Variants in CFAP46 observed in about 807,000 individuals in gnomAD.
CFAP46 encodes cilia and flagella associated protein 46, also known as cilia- and flagella-associated protein 46.
Under a neutral mutation model 325.7 loss-of-function variants are expected in CFAP46, and 245 were observed. That is an observed-to-expected ratio of 0.75 (90% CI 0.68 to 0.84). The LOEUF is 0.84. CFAP46 is among the 40% of genes least tolerant of loss of function. CFAP46 has a pLI of 0.00. For missense variants in CFAP46, 3,346 were observed against 3,543.0 expected (o/e 0.94, Z 1.41); for synonymous variants, 1,523 against 1,495.9 (o/e 1.02, Z -0.42).
At chr10:132,822,884 GCGCTGATGTGTGC>G (rs1489384125) in intron 50 of CFAP46, among the ~76,000 whole-genome samples, 1 of 137,686 alleles carries the variant, frequency 7.3e-6, no homozygotes. Context: ...TGCTGTGTGT[GCGCTGATGTGTGC>G]TGATGTGTGC....
chr10:132,919,229 T>A lies in CFAP46; in HGVS notation c.1858+86A>T. ...CTTTCTCATGCGAAGGCCCCATGGGTTGTCATTGCACGAACCACAACCCTT... is the reference window on the plus strand; with the variant it reads ...CTTTCTCATGCGAAGGCCCCATGGGATGTCATTGCACGAACCACAACCCTT... On this transcript the variant is annotated intron_variant, in intron 15 of 57. Transcript: ENST00000368586. The surrounding 1 kb of genome is among the most constrained non-coding windows in gnomAD (Gnocchi z 9.7). 1 of 1,385,968 alleles carries A rather than the reference T, an allele frequency of 7.2e-7. No individual in the cohort carries two copies. Among genetic ancestry groups the A allele is most frequent in the Non-Finnish European group, 9.6e-7 (1 of 1,041,182 alleles). The allele number at this position is 1,385,968 out of a possible 1,614,324, so 85.9% of individuals were successfully genotyped here.
At chr10:132,822,112 GC>G (rs1847859925) in intron 50 of CFAP46, among the ~76,000 whole-genome samples, 1 of 145,838 alleles carries the variant, frequency 6.9e-6, no homozygotes, top group African/African-American at 2.6e-5. Flanking sequence ...GCTGATGTGT[GC>G]TGTGTGTGCA....
At chr10:132,811,075 G>A (rs368352653) in intron 55 of CFAP46, 44 bp from the exon 56 acceptor site, 2 of 1,510,108 alleles carry the variant, frequency 1.3e-6, no homozygotes, top group South Asian at 1.2e-5. Context: ...GGCCTGACAT[G>A]GGGAGTGGGG....
At position 132,941,158 on chromosome 10, in the gene CFAP46, C is replaced by A. The variant is rs1591104694; in HGVS notation, c.307-98G>T. On this transcript the variant is annotated intron_variant, in intron 3 of 57. Transcript: ENST00000368586. Reference sequence around the variant, plus strand: ...CGGCTCCCTCACGGTTGGCCTGGTACCCCCTGTGTGTCACCTGTGTATCCA... The same window carrying A: ...CGGCTCCCTCACGGTTGGCCTGGTAACCCCTGTGTGTCACCTGTGTATCCA... 8 of 1,194,652 alleles carry A rather than the reference C, an allele frequency of 6.7e-6. No homozygotes were observed. In the East Asian group the frequency reaches 1.2e-4, roughly 17 times the overall value. The allele number at this position is 1,194,652 out of a possible 1,614,324, so 74.0% of individuals were successfully genotyped here.
At chr10:132,867,141 A>G (rs1848825926) in intron 34 of CFAP46, among the ~76,000 whole-genome samples, 1 of 150,754 alleles carries the variant, frequency 6.6e-6, no homozygotes, top group Admixed American at 6.6e-5. Flanking sequence ...CCCCTCGCAC[A>G]CTGACACACA....
intron 41 of CFAP46, among the ~76,000 whole-genome samples, chr10:132,849,497 G>A (rs977638134): frequency 3.3e-5 from 5 of 152,206 alleles, no homozygotes; most frequent in African/African-American, 1.2e-4. Flanking sequence ...GCTGGGGCAG[G>A]TGCCTTCCGG....
intron 17 of CFAP46, among the ~76,000 whole-genome samples, chr10:132,915,475 C>T (rs1207913277): frequency 2.0e-5 from 3 of 152,374 alleles, no homozygotes; most frequent in African/African-American, 4.8e-5. Context: ...CCAAAGAGCT[C>T]GGCCGGGTGG....
intron 57 of CFAP46, among the ~76,000 whole-genome samples, chr10:132,809,608 C>T (rs1403805971): frequency 6.7e-6 from 1 of 149,144 alleles, no homozygotes; most frequent in South Asian, 2.1e-4. Flanking sequence ...CCTTCTTAGT[C>T]AGGGCAGACC....
chr10:132,821,500 T>TGCTGTGTGC (rs1174782459), intron 50 of CFAP46, among the ~76,000 whole-genome samples: 1 of 145,748 alleles, frequency 6.9e-6, no homozygotes, highest in African/African-American at 2.6e-5. Flanking sequence ...TGCTGATGTG[T>TGCTGTGTGC]GCTGTGTGCG....
chr10:132,836,569 AG>A (rs1378248562), intron 45 of CFAP46, among the ~76,000 whole-genome samples: 54 of 152,338 alleles, frequency 3.5e-4, no homozygotes, highest in African/African-American at 1.1e-3. Context: ...CCGGACGCCC[AG>A]ACCAGACACA....
At chr10:132,897,872 G>T (rs899255985) in intron 24 of CFAP46, among the ~76,000 whole-genome samples, 7 of 152,204 alleles carry the variant, frequency 4.6e-5, no homozygotes, top group Admixed American at 2.0e-4. Flanking sequence ...CAGCCCAGAG[G>T]CCCCGACACA....
At position 132,833,504 on chromosome 10, in the gene CFAP46, G is replaced by T; in HGVS notation, c.6971C>A (p.Ala2324Asp). ...GTCTGCGACCAGGACTATCTTATCG[G>T]CAACCTCAGGCTGGACTGTGCCTGG... ...GQHSTVQPEV[A>D]DKIVLVADRH... Residue 2324 changes from alanine (A) to aspartate (D), a missense_variant, in exon 50 of 58, where the codon GCC becomes GAC. Coordinates refer to ENST00000368586, the MANE Select transcript of CFAP46 (RefSeq NM_001200049.3). 1 of 1,613,934 alleles carries T rather than the reference G, an allele frequency of 6.2e-7. No homozygotes were observed. Among genetic ancestry groups the T allele is most frequent in the South Asian group, 1.1e-5 (1 of 91,048 alleles).
chr10:132,822,728 CTGTGTGTGCAGTGA>C (rs1820712286), intron 50 of CFAP46, among the ~76,000 whole-genome samples: 2 of 116,814 alleles, frequency 1.7e-5, no homozygotes, highest in Non-Finnish European at 3.4e-5. Context: ...CTGATGTGTG[CTGTGTGTGCAGTGA>C]TGTGTGCTGT....
At position 132,812,807 on chromosome 10, in the gene CFAP46, T is replaced by C; in HGVS notation, c.7479A>G (p.Arg2493=). ...ESFLSHILVE[R]LVAMNLQECQ... is the part of the protein sequence containing the mutation. ...CACCTTGCAAGTTCATGGCGACCAATCTCTCCACTAATATATGGGACAGGA... is the reference window on the plus strand; with the variant it reads ...CACCTTGCAAGTTCATGGCGACCAACCTCTCCACTAATATATGGGACAGGA... Residue 2493 remains arginine (R), a synonymous_variant, in exon 55 of 58, where the codon AGA becomes AGG. Transcript: ENST00000368586. The C allele has an allele frequency of 6.2e-7, 1 of 1,612,144 alleles. No individual in the cohort carries two copies. The highest frequency in any genetic ancestry group is 1.1e-5 in the South Asian group (1 of 91,072).
chr10:132,814,587 G>A lies in CFAP46; in HGVS notation c.7275C>T (p.Ala2425=). The change falls in exon 53 of 58, where the codon GCC becomes GCT. Residue 2425 remains alanine (A), a synonymous_variant. Coordinates refer to ENST00000368586, the MANE Select transcript of CFAP46 (RefSeq NM_001200049.3). Reference sequence around the variant, plus strand: ...CTGTGCAGCACCCACCTGGGCCCTGGGCCTCCTCGTATGGGTCCACGACGA... The same window carrying A: ...CTGTGCAGCACCCACCTGGGCCCTGAGCCTCCTCGTATGGGTCCACGACGA... ...FKFVVDPYEE[A]QGPEMLTPVS... The A allele has an allele frequency of 6.4e-7, 1 of 1,567,032 alleles. No individual in the cohort carries two copies. The highest frequency in any genetic ancestry group is 1.2e-5 in the South Asian group (1 of 85,496).
chr10:132,846,519 G>A (rs755952599), intron 43 of CFAP46, among the ~76,000 whole-genome samples: 3 of 151,844 alleles, frequency 2.0e-5, no homozygotes, highest in Admixed American at 6.6e-5. Context: ...AGGTCCACAC[G>A]GACAGGGACC....
chr10:132,863,532 G>T (rs1482842826), intron 35 of CFAP46, among the ~76,000 whole-genome samples: 2 of 151,602 alleles, frequency 1.3e-5, no homozygotes, highest in Non-Finnish European at 2.9e-5. Context: ...CAATGCCTGA[G>T]ACCTGCACAC....
chr10:132,810,660 C>T (rs1201120153), intron 56 of CFAP46, 171 bp from the exon 57 acceptor site: 5 of 745,954 alleles, frequency 6.7e-6, no homozygotes, highest in East Asian at 2.7e-5. Context: ...ATGCTCTTGA[C>T]GCCCACCAGG....
chr10:132,918,617 C>A, intron 15 of CFAP46, 97 bp from the exon 16 acceptor site: 1 of 1,410,042 alleles, frequency 7.1e-7, no homozygotes, highest in Non-Finnish European at 9.3e-7. Context: ...CTGAGCCTCT[C>A]CCCAGCTCCG....
Sources: gnomAD v4.1 joint callset for allele counts (sites outside exome capture counted in the v4.1 genomes callset) on GRCh38, gnomAD v4.1.1 for gene constraint, Gnocchi (gnomAD v3.1) non-coding constraint, MANE v1.5 for transcripts, NCBI Gene and HGNC (gene_info 2026-07-23, HGNC 2026-07-21) for gene names.